The following SORCS3 variants were observed in gnomAD, a reference collection of about 807,000 sequenced individuals.
SORCS3 encodes the protein sortilin related VPS10 domain containing receptor 3, also known as VPS10 domain-containing receptor SorCS3.
Under a neutral mutation model 146.3 loss-of-function variants are expected in SORCS3, and 57 were observed. The observed-to-expected ratio is 0.39, with a 90% CI of 0.31 to 0.49. SORCS3 has a LOEUF of 0.49. Among genes scored for constraint, SORCS3 ranks in the 20% least tolerant of loss-of-function variants. The pLI is 0.92. For synonymous variants in SORCS3, 653 were observed against 618.5 expected (o/e 1.06, Z -0.83); for missense variants, 1,341 against 1,575.5 (o/e 0.85, Z 2.52).
chr10:104,646,297 A>G (rs2015494900), intron 1 of SORCS3, among the ~76,000 whole-genome samples: 2 of 152,186 alleles, frequency 1.3e-5, no homozygotes, highest in Admixed American at 6.5e-5. Context: ...ATGATTACAG[A>G]AATGCAGTGG....
At position 104,887,919 on chromosome 10, in the gene SORCS3, C is replaced by G. The variant is rs150049895; in HGVS notation, c.696-27914C>G. Among the ~76,000 whole-genome samples the G allele has an allele frequency of 3.7e-3, 495 of 135,364 alleles. 2 individuals are homozygous for G. Among genetic ancestry groups the G allele is most frequent in the South Asian group, 0.018 (81 of 4,422 alleles). 88.8% of individuals were successfully genotyped at this position (135,364 alleles called of 152,430 possible). On this transcript the variant is annotated intron_variant, in intron 2 of 26. Coordinates refer to ENST00000369701, the MANE Select transcript of SORCS3 (RefSeq NM_014978.3). ...GCACATTTAGTATAAGACCAGTTAT[C>G]TCTCTTATCTTCCATACCTTCCCAG...
chr10:104,783,127 T>A (rs1589497429), intron 1 of SORCS3, among the ~76,000 whole-genome samples: 1 of 152,202 alleles, frequency 6.6e-6, no homozygotes, highest in South Asian at 2.1e-4. Flanking sequence ...TAATTCCTCT[T>A]ATAAGACAGC....
intron 16 of SORCS3, among the ~76,000 whole-genome samples, chr10:105,209,854 A>T (rs1589689869): frequency 1.3e-5 from 2 of 152,220 alleles, no homozygotes; most frequent in Admixed American, 1.3e-4. Flanking sequence ...GTACGATCTC[A>T]TTAATCAATT....
intron 1 of SORCS3, among the ~76,000 whole-genome samples, chr10:104,738,244 G>A (rs1030916336): frequency 6.6e-6 from 1 of 152,070 alleles, no homozygotes; most frequent in Non-Finnish European, 1.5e-5. Flanking sequence ...TGGTGATGCG[G>A]GCTCTTTTTT....
At chr10:104,805,066 T>C (rs2017666026) in intron 1 of SORCS3, among the ~76,000 whole-genome samples, 1 of 152,280 alleles carries the variant, frequency 6.6e-6, no homozygotes, top group East Asian at 1.9e-4. Flanking sequence ...TACACCTCAC[T>C]CACACATAAT....
chr10:104,709,617 G>C (rs536529935), intron 1 of SORCS3, among the ~76,000 whole-genome samples: 1 of 152,202 alleles, frequency 6.6e-6, no homozygotes, highest in African/African-American at 2.4e-5. Context: ...TTGACAGATG[G>C]GGAACTCAGA....
intron 2 of SORCS3, among the ~76,000 whole-genome samples, chr10:104,867,245 A>G (rs1809313984): frequency 6.6e-6 from 1 of 151,284 alleles, no homozygotes; most frequent in Non-Finnish European, 1.5e-5. Context: ...TAAAGTGGTC[A>G]GGGGAGAACT....
rs757592911 is a variant in SORCS3 at position 105,262,332 on chromosome 10, A to G, written c.3445A>G (p.Lys1149Glu). Residue 1149 changes from lysine to glutamate, a missense_variant and splice_region_variant, in exon 26 of 27, where the codon AAA (lysine) becomes GAA (glutamate). Physicochemically the swap from Lys to Glu is moderately conservative, Grantham distance 56 (BLOSUM62 1). Coordinates refer to ENST00000369701, the MANE Select transcript of SORCS3 (RefSeq NM_014978.3). ...TGATTTTGCTCCTGTCCCATGTAGG[A>G]AAATCCCTTGGATTAACATCTATGC... is the stretch of plus-strand genomic sequence containing the variant. ...AVFLIYKFKR[K>E]IPWINIYAQV... The G allele has an allele frequency of 1.2e-6, 2 of 1,612,556 alleles. No homozygotes were observed. The highest frequency in any genetic ancestry group is 3.3e-5 in the Admixed American group (2 of 59,992).
Position 104,696,675 on chromosome 10 carries a change from CATATATAATATATAAT to C in SORCS3, c.627+54728_627+54743del, listed in dbSNP as rs1190691506. Among the ~76,000 whole-genome samples, 4 of 8,824 alleles carry C rather than the reference CATATATAATATATAAT, an allele frequency of 4.5e-4. No individual in the cohort carries two copies. In the Admixed American group the frequency reaches 8.3e-3, roughly 18 times the overall value. The allele number at this position is 8,824 out of a possible 152,430, so 5.8% of individuals were successfully genotyped here. A position where few individuals can be genotyped will look rare whatever the true frequency, so the allele number is the denominator to read the frequency against. ...TTATATACGTATATATAATATATAA[CATATATAATATATAAT>C]ATATATTATATACGTATATATAATA... On this transcript the variant is annotated intron_variant, in intron 1 of 26. Transcript: ENST00000369701.
chr10:104,907,601 C>T (rs1236772433), intron 2 of SORCS3, among the ~76,000 whole-genome samples: 1 of 152,166 alleles, frequency 6.6e-6, no homozygotes, highest in East Asian at 1.9e-4. Flanking sequence ...GACAGCAAAC[C>T]TCCAATTTTC....
intron 16 of SORCS3, among the ~76,000 whole-genome samples, chr10:105,201,630 A>C (rs887692066): frequency 1.3e-5 from 2 of 152,196 alleles, no homozygotes; most frequent in African/African-American, 4.8e-5. Context: ...GTGCTCTTCT[A>C]CGTGACCTCT....
At chr10:104,806,442 A>T (rs1184570693) in intron 1 of SORCS3, among the ~76,000 whole-genome samples, 1 of 152,222 alleles carries the variant, frequency 6.6e-6, no homozygotes, top group African/African-American at 2.4e-5. Flanking sequence ...TGGTAGTGGC[A>T]TTGTAAATCA....
chr10:104,951,450 G>A (rs1309541622), intron 3 of SORCS3, among the ~76,000 whole-genome samples: 2 of 152,036 alleles, frequency 1.3e-5, no homozygotes, highest in African/African-American at 4.8e-5. Flanking sequence ...CTTAAGAAAG[G>A]ATCAGTAGCT....
chr10:105,184,529 C>T (rs1444910785), intron 14 of SORCS3, among the ~76,000 whole-genome samples: 1 of 152,160 alleles, frequency 6.6e-6, no homozygotes, highest in African/African-American at 2.4e-5. Context: ...GAATTTTTGA[C>T]AGTTTTTACA....
At position 104,753,764 on chromosome 10, in the gene SORCS3, T is replaced by C. The variant is rs1484314103; in HGVS notation, c.628-89028T>C. ...AGTGTGACATTGTCCTTGGGGTTTA[T>C]GTTATGGCACCATGTTATGAATGAG... On this transcript the variant is annotated intron_variant, in intron 1 of 26. Coordinates refer to ENST00000369701, the MANE Select transcript of SORCS3 (RefSeq NM_014978.3). Among the ~76,000 whole-genome samples the C allele has an allele frequency of 2.6e-5, 4 of 152,336 alleles. No individual in the cohort carries two copies. The East Asian group carries it at 7.7e-4, about 29-fold the overall frequency.
chr10:105,150,040 T>C (rs920783108), intron 9 of SORCS3, among the ~76,000 whole-genome samples: 4 of 152,144 alleles, frequency 2.6e-5, no homozygotes, highest in African/African-American at 9.7e-5. Flanking sequence ...TTTAGCAGGA[T>C]TGATCGCACC....
chr10:105,060,980 A>G (rs2055482463), intron 5 of SORCS3, among the ~76,000 whole-genome samples: 1 of 152,204 alleles, frequency 6.6e-6, no homozygotes, highest in Non-Finnish European at 1.5e-5. Context: ...AAAACAATTT[A>G]AGTATAGAAA....
intron 2 of SORCS3, among the ~76,000 whole-genome samples, chr10:104,910,728 A>C (rs2018958237): frequency 6.6e-6 from 1 of 152,252 alleles, no homozygotes; most frequent in African/African-American, 2.4e-5. Context: ...AATAATAAGA[A>C]AAAAAGAACA....
chr10:105,246,642 T>G lies in SORCS3; in HGVS notation c.2993-577T>G, dbSNP rs1266846825. Among the ~76,000 whole-genome samples, 3 of 152,354 alleles carry G rather than the reference T, an allele frequency of 2.0e-5. No homozygotes were observed. The East Asian group carries it at 5.8e-4, about 29-fold the overall frequency. Reference sequence around the variant, plus strand: ...TCGAGGGGCACATGGAAGGTTTGTGTGTTTCTTTCAAAGTAAACATTTTAA... The same window carrying G: ...TCGAGGGGCACATGGAAGGTTTGTGGGTTTCTTTCAAAGTAAACATTTTAA... On this transcript the variant is annotated intron_variant, in intron 21 of 26. Transcript: ENST00000369701.
Sources: allele counts gnomAD v4.1 joint callset (sites outside exome capture counted in the v4.1 genomes callset), GRCh38; gene constraint gnomAD v4.1.1; transcripts MANE v1.5; gene names NCBI Gene and HGNC (gene_info 2026-07-23, HGNC 2026-07-21).